GRIK1: variants seen among roughly 807,000 people sequenced by gnomAD.
GRIK1 encodes glutamate receptor ionotropic, kainate 1.
GRIK1 carries 69 observed loss-of-function variants against 105.7 expected under a neutral mutation model. The observed-to-expected ratio is 0.65, with a 90% CI of 0.54 to 0.80. GRIK1 has a LOEUF of 0.80. Among genes scored for constraint, GRIK1 ranks in the 30% least tolerant of loss-of-function variants. GRIK1 has a pLI of 0.00. For missense variants in GRIK1, 1,109 were observed against 1,167.3 expected (o/e 0.95, Z 0.73); for synonymous variants, 438 against 431.3 (o/e 1.02, Z -0.19).
chr21:29,937,719 A>T (rs2071814022), intron 1 of GRIK1, among the ~76,000 whole-genome samples: 1 of 152,206 alleles, frequency 6.6e-6, no homozygotes, highest in Admixed American at 6.5e-5. Context: ...AAAAGACACA[A>T]GCAAAACCCC....
intron 6 of GRIK1, among the ~76,000 whole-genome samples, chr21:29,644,231 G>T (rs1358230215): frequency 6.6e-6 from 1 of 152,012 alleles, no homozygotes; most frequent in Non-Finnish European, 1.5e-5. Flanking sequence ...CCTCTACTTT[G>T]AATCATTATT....
intron 7 of GRIK1, among the ~76,000 whole-genome samples, chr21:29,613,081 CT>C (rs2061765745): frequency 6.6e-6 from 1 of 152,108 alleles, no homozygotes; most frequent in African/African-American, 2.4e-5. Flanking sequence ...AATTAATAGT[CT>C]TTATCTAGTC....
intron 7 of GRIK1, among the ~76,000 whole-genome samples, chr21:29,601,737 A>G (rs1434343786): frequency 1.3e-5 from 2 of 152,248 alleles, no homozygotes; most frequent in African/African-American, 2.4e-5. Flanking sequence ...GTGTTTTCAC[A>G]TGTGATTTTG....
chr21:29,608,258 A>C (rs147945114), intron 7 of GRIK1, among the ~76,000 whole-genome samples: 37 of 152,252 alleles, frequency 2.4e-4, no homozygotes, highest in African/African-American at 8.7e-4. Context: ...GTATAAGGTA[A>C]TGGGGTATAT....
At chr21:29,685,984 G>A (rs1051767014) in intron 3 of GRIK1, among the ~76,000 whole-genome samples, 2 of 152,204 alleles carry the variant, frequency 1.3e-5, no homozygotes, top group African/African-American at 4.8e-5. Flanking sequence ...TCAGGAGGAA[G>A]GAACACTGCA....
chr21:29,722,504 T>C (rs2065276), intron 1 of GRIK1, among the ~76,000 whole-genome samples: 147,549 of 151,178 alleles, frequency 0.98, 72,105 homozygotes, highest in East Asian at 1. Flanking sequence ...TGCAGTGAGC[T>C]GAGATCGTGC....
chr21:29,620,752 C>G (rs570089744), intron 7 of GRIK1, among the ~76,000 whole-genome samples: 3 of 136,226 alleles, frequency 2.2e-5, no homozygotes, highest in African/African-American at 8.6e-5. Flanking sequence ...GTCTAAGTTA[C>G]ATAAATGGTA....
chr21:29,587,724 T>A, intron 11 of GRIK1, 135 bp from the exon 12 acceptor site: 1 of 559,434 alleles, frequency 1.8e-6, no homozygotes, highest in Non-Finnish European at 3.0e-6. Context: ...TGGTTGGTTC[T>A]AATAAAAAAA....
intron 1 of GRIK1, among the ~76,000 whole-genome samples, chr21:29,872,005 C>A (rs1224535518): frequency 6.8e-6 from 1 of 147,404 alleles, no homozygotes; most frequent in Non-Finnish European, 1.5e-5. Flanking sequence ...CTCAAGCAAT[C>A]CATCCACCCC....
chr21:29,859,419 T>C (rs1048649740), intron 1 of GRIK1, among the ~76,000 whole-genome samples: 3 of 152,000 alleles, frequency 2.0e-5, no homozygotes, highest in South Asian at 2.1e-4. Context: ...AAATAAATTG[T>C]AAGAAGGCTC....
chr21:29,745,899 C>T (rs952875279), intron 1 of GRIK1, among the ~76,000 whole-genome samples: 7 of 152,142 alleles, frequency 4.6e-5, no homozygotes, highest in East Asian at 3.9e-4. Flanking sequence ...GTCAGGAGAT[C>T]GAGACCATCC....
chr21:29,861,602 C>T (rs1601878774), intron 1 of GRIK1: 2 of 319,436 alleles, frequency 6.3e-6, no homozygotes, highest in Non-Finnish European at 1.2e-5. Context: ...CCAACACGCC[C>T]GGCTGCACTT....
At chr21:29,786,378 A>G (rs760107511) in intron 1 of GRIK1, among the ~76,000 whole-genome samples, 2 of 152,162 alleles carry the variant, frequency 1.3e-5, no homozygotes, top group Non-Finnish European at 2.9e-5. Flanking sequence ...TAGCTTAATT[A>G]TATCTGCAGA....
chr21:29,690,744 G>A (rs2063569406), intron 2 of GRIK1, among the ~76,000 whole-genome samples: 1 of 151,212 alleles, frequency 6.6e-6, no homozygotes, highest in African/African-American at 2.4e-5. Context: ...TAACATAAAT[G>A]TATTTTTCTC....
chr21:29,537,856 T>C lies in GRIK1; in HGVS notation c.2636A>G (p.Tyr879Cys). 6.9e-7 allele frequency: 1 copy of C among 1,456,492 alleles called. No homozygotes were observed. Among genetic ancestry groups the C allele is most frequent in the Non-Finnish European group, 9.6e-7 (1 of 1,043,090 alleles). The allele number at this position is 1,456,492 out of a possible 1,614,324, so 90.2% of individuals were successfully genotyped here. The change falls in exon 17 of 18, where the codon TAT (tyrosine) becomes TGT (cysteine). Residue 879 changes from tyrosine to cysteine, a missense_variant. Transcript: ENST00000327783. ...ATGAAACCTTACTTTGTTCCTAAAA[T>C]AAAATCTAATTCTTGATGACTTTCC... Reference protein sequence around the residue: ...QKGKSSRIRFYFRNKVRFHGR... With the variant: ...QKGKSSRIRFCFRNKVRFHGR...
intron 7 of GRIK1, among the ~76,000 whole-genome samples, chr21:29,600,599 T>C (rs1168726075): frequency 6.6e-6 from 1 of 152,230 alleles, no homozygotes; most frequent in Non-Finnish European, 1.5e-5. Flanking sequence ...ACACTGTATT[T>C]GCAGTTATTT....
At chr21:29,796,619 T>C (rs1434727959) in intron 1 of GRIK1, among the ~76,000 whole-genome samples, 3 of 152,036 alleles carry the variant, frequency 2.0e-5, no homozygotes, top group Admixed American at 1.3e-4. Context: ...TCCATTATTA[T>C]ACATAGTTAA....
intron 1 of GRIK1, among the ~76,000 whole-genome samples, chr21:29,932,523 TA>T (rs1456374598): frequency 1.3e-5 from 2 of 152,108 alleles, no homozygotes; most frequent in Non-Finnish European, 1.5e-5. Context: ...CTTTCCTTTT[TA>T]AAAATTTTCC....
chr21:29,598,344 T>A (rs755421765), intron 8 of GRIK1, among the ~76,000 whole-genome samples: 1 of 152,206 alleles, frequency 6.6e-6, no homozygotes. Flanking sequence ...AAATTAAGAA[T>A]GCAAAGTTAA....
Sources: gnomAD v4.1 joint callset for allele counts (sites outside exome capture counted in the v4.1 genomes callset) on GRCh38, gnomAD v4.1.1 for gene constraint, MANE v1.5 for transcripts, NCBI Gene and HGNC (gene_info 2026-07-23, HGNC 2026-07-21) for gene names.